TMEM163: variants seen among roughly 807,000 people sequenced by gnomAD.
TMEM163 encodes transmembrane protein 163.
In TMEM163, 17 loss-of-function variants were observed where a neutral mutation model predicts 29.3. That is an observed-to-expected ratio of 0.58 (90% CI 0.40 to 0.87). TMEM163 has a LOEUF of 0.87. TMEM163 is among the 40% of genes least tolerant of loss of function. The pLI, the probability that TMEM163 is intolerant of heterozygous loss-of-function variation, is 0.00. For synonymous variants in TMEM163, 157 were observed against 160.6 expected (o/e 0.98, Z 0.17); for missense variants, 303 against 381.5 (o/e 0.79, Z 1.71).
chr2:134,625,597 A>T (rs1290390553), intron 2 of TMEM163, among the ~76,000 whole-genome samples: 2 of 152,232 alleles, frequency 1.3e-5, no homozygotes, highest in Non-Finnish European at 2.9e-5. Context: ...CTTTTCCTTT[A>T]TATGAGATGT....
intron 4 of TMEM163, among the ~76,000 whole-genome samples, chr2:134,512,119 C>G (rs1214577995): frequency 6.6e-6 from 1 of 152,140 alleles, no homozygotes; most frequent in Non-Finnish European, 1.5e-5. Context: ...AAAACATGGC[C>G]CTTTTCCTCC....
chr2:134,462,251 C>T (rs998198870), intron 6 of TMEM163, among the ~76,000 whole-genome samples: 4 of 152,102 alleles, frequency 2.6e-5, no homozygotes, highest in African/African-American at 9.7e-5. Context: ...CCCTCTCCTT[C>T]ACCCTATCCG....
rs184142429 is a variant in TMEM163, at chr2:134,502,293, C to T, written c.555+608G>A. Among the ~76,000 whole-genome samples the T allele has an allele frequency of 3.0e-3, 455 of 152,186 alleles. 3 individuals are homozygous for T. The highest frequency in any genetic ancestry group is 0.01 in the African/African-American group (425 of 41,526). ...TGGTAACCACATCAGCTGCCTGTCACGAAGACTGCATGACAGGAGGCTGTA... is the reference window on the plus strand; with the variant it reads ...TGGTAACCACATCAGCTGCCTGTCATGAAGACTGCATGACAGGAGGCTGTA... On this transcript the variant is annotated intron_variant, in intron 5 of 7. Coordinates refer to ENST00000281924, the MANE Select transcript of TMEM163 (RefSeq NM_030923.5).
At chr2:134,603,891 T>A (rs116714466) in intron 2 of TMEM163, among the ~76,000 whole-genome samples, 2,214 of 146,710 alleles carry the variant, frequency 0.015, 53 homozygotes, top group African/African-American at 0.053. Flanking sequence ...GAGGGGAGGG[T>A]ATGGAAGGGA....
intron 2 of TMEM163, among the ~76,000 whole-genome samples, chr2:134,606,027 C>T (rs975725073): frequency 2.0e-5 from 3 of 152,038 alleles, no homozygotes; most frequent in African/African-American, 4.8e-5. Context: ...ATTGAGTATA[C>T]GCGGGGGGCA....
At chr2:134,498,354 C>CTTTTT (rs765734718) in intron 5 of TMEM163, among the ~76,000 whole-genome samples, 4 of 115,462 alleles carry the variant, frequency 3.5e-5, no homozygotes, top group Admixed American at 9.7e-5. Flanking sequence ...TGCATGTGGG[C>CTTTTT]TTTTTTTTTT....
chr2:134,578,625 C>A (rs747374109), intron 2 of TMEM163, among the ~76,000 whole-genome samples: 20 of 152,224 alleles, frequency 1.3e-4, no homozygotes, highest in South Asian at 6.2e-4. Context: ...TATGCACAAC[C>A]AAAGTAATAC....
At chr2:134,634,175 A>T (rs1683052015) in intron 2 of TMEM163, among the ~76,000 whole-genome samples, 1 of 151,812 alleles carries the variant, frequency 6.6e-6, no homozygotes, top group Non-Finnish European at 1.5e-5. Flanking sequence ...TGGGGCATGA[A>T]CAAAAAAGCC....
intron 2 of TMEM163, among the ~76,000 whole-genome samples, chr2:134,559,267 C>T (rs1429023554): frequency 1.3e-5 from 2 of 152,090 alleles, no homozygotes; most frequent in East Asian, 1.9e-4. Context: ...CTAGTTGGCC[C>T]CGTAAGGCTT....
At chr2:134,638,503 G>C (rs1379937619) in intron 2 of TMEM163, among the ~76,000 whole-genome samples, 3 of 152,198 alleles carry the variant, frequency 2.0e-5, no homozygotes, top group African/African-American at 7.2e-5. Flanking sequence ...GAAGAGTCAA[G>C]AGGATTAAAG....
At chr2:134,557,828 T>A (rs1250956383) in intron 2 of TMEM163, among the ~76,000 whole-genome samples, 1 of 152,118 alleles carries the variant, frequency 6.6e-6, no homozygotes, top group South Asian at 2.1e-4. Context: ...GAGGGAGGTA[T>A]GTAGCTTCTC....
At chr2:134,625,159 T>C (rs146433335) in intron 2 of TMEM163, among the ~76,000 whole-genome samples, 2 of 152,258 alleles carry the variant, frequency 1.3e-5, no homozygotes, top group Non-Finnish European at 1.5e-5. Flanking sequence ...AGAATGTACA[T>C]ACTGCACAGA....
chr2:134,531,388 C>G (rs1165621885), intron 4 of TMEM163, among the ~76,000 whole-genome samples: 1 of 152,202 alleles, frequency 6.6e-6, no homozygotes, highest in African/African-American at 2.4e-5. Context: ...TGGGTGTCCT[C>G]CAGTTCAATT....
intron 2 of TMEM163, among the ~76,000 whole-genome samples, chr2:134,646,091 CTT>C (rs748578299): frequency 8.6e-5 from 12 of 140,198 alleles, no homozygotes; most frequent in Non-Finnish European, 1.1e-4. Flanking sequence ...TGCGGAATGG[CTT>C]TTTTTTTTTT....
intron 4 of TMEM163, among the ~76,000 whole-genome samples, chr2:134,510,857 G>A (rs538848933): frequency 6.6e-6 from 1 of 152,302 alleles, no homozygotes; most frequent in South Asian, 2.1e-4. Context: ...TTTCAGGGTG[G>A]AGGGGAATGG....
chr2:134,548,595 C>T (rs1485700132), intron 4 of TMEM163, among the ~76,000 whole-genome samples: 1 of 152,158 alleles, frequency 6.6e-6, no homozygotes, highest in Non-Finnish European at 1.5e-5. Context: ...GCTAGACCAG[C>T]ATTAAGTCAA....
chr2:134,709,794 C>T (rs1452930366), intron 2 of TMEM163, among the ~76,000 whole-genome samples: 1 of 152,176 alleles, frequency 6.6e-6, no homozygotes, highest in Non-Finnish European at 1.5e-5. Context: ...AAAAGCTGAC[C>T]AGCATTAGCA....
chr2:134,561,853 G>A (rs1199477943), intron 2 of TMEM163, among the ~76,000 whole-genome samples: 2 of 152,180 alleles, frequency 1.3e-5, no homozygotes, highest in Admixed American at 6.5e-5. Context: ...TGCTTACTGA[G>A]CACCTACTAT....
intron 4 of TMEM163, among the ~76,000 whole-genome samples, chr2:134,524,504 A>C (rs1023833627): frequency 6.7e-6 from 1 of 149,842 alleles, no homozygotes; most frequent in Admixed American, 6.6e-5. Flanking sequence ...TGCATTTGCT[A>C]TTTATCCTGA....
Sources: gnomAD v4.1 joint callset for allele counts (sites outside exome capture counted in the v4.1 genomes callset) on GRCh38, gnomAD v4.1.1 for gene constraint, MANE v1.5 for transcripts, NCBI Gene and HGNC (gene_info 2026-07-23, HGNC 2026-07-21) for gene names.